KCNQ5: variants seen among roughly 807,000 people sequenced by gnomAD.
The protein encoded by KCNQ5 is potassium voltage-gated channel subfamily KQT member 5.
In KCNQ5, 30 loss-of-function variants were observed where a neutral mutation model predicts 98.2. The ratio of observed to expected loss-of-function variants is 0.31; its 90% confidence interval spans 0.23 to 0.41. The LOEUF (loss-of-function observed/expected upper bound fraction) is 0.41, where lower values mean the gene tolerates loss of function less well. Among genes scored for constraint, KCNQ5 ranks in the 10% least tolerant of loss-of-function variants. The probability of loss-of-function intolerance (pLI) is 1.00; values close to 1 mark genes in which losing one functional copy is unlikely to be tolerated. For missense variants in KCNQ5, 835 were observed against 1,182.5 expected, an observed-to-expected ratio of 0.71 and a Z score of 4.31; for synonymous variants, 458 against 449.4, an observed-to-expected ratio of 1.02 and a Z score of -0.24.
At chr6:72,861,553 C>T (rs985594542) in intron 1 of KCNQ5, among the ~76,000 whole-genome samples, 3 of 152,104 alleles carry the variant, frequency 2.0e-5, no homozygotes, top group Non-Finnish European at 4.4e-5. Context: ...TCCTCCTGAC[C>T]TTCTGCAAAA....
chr6:73,159,695 T>TA (rs1777532204), intron 10 of KCNQ5, among the ~76,000 whole-genome samples: 7 of 152,250 alleles, frequency 4.6e-5, no homozygotes, highest in African/African-American at 1.7e-4. Flanking sequence ...GGCTGAATAA[T>TA]TTTCAGTCAT....
rs1004652508 is a variant in KCNQ5, at chr6:73,089,389, T to G, written c.918+11502T>G. 7.9e-5 allele frequency among the ~76,000 whole-genome samples: 12 copies of G among 152,134 alleles called. No homozygotes were observed. In the South Asian group the frequency reaches 1.0e-3, roughly 13 times the overall value. On this transcript the variant is annotated intron_variant, in intron 5 of 13. Transcript: ENST00000370398. ...TTTTGTCTTTATGAGAAAATGACTG[T>G]TATTATTATACAGTGTCCCCCAGCG...
intron 3 of KCNQ5, among the ~76,000 whole-genome samples, chr6:73,071,366 C>T (rs567555843): frequency 6.6e-6 from 1 of 152,206 alleles, no homozygotes; most frequent in Non-Finnish European, 1.5e-5. Flanking sequence ...AATTCCTTAT[C>T]CTAAAAATAA....
chr6:72,865,442 C>T (rs1044282661), intron 1 of KCNQ5, among the ~76,000 whole-genome samples: 4 of 152,212 alleles, frequency 2.6e-5, no homozygotes, highest in Non-Finnish European at 5.9e-5. Context: ...GGATTCACTA[C>T]AGAATATCGA....
intron 1 of KCNQ5, among the ~76,000 whole-genome samples, chr6:72,723,847 T>A (rs1328634662): frequency 6.6e-6 from 1 of 152,164 alleles, no homozygotes; most frequent in Non-Finnish European, 1.5e-5. Context: ...CAACCCTTCA[T>A]GCTATTTTAG....
intron 1 of KCNQ5, among the ~76,000 whole-genome samples, chr6:72,684,545 C>A (rs1004474729): frequency 2.0e-5 from 3 of 152,176 alleles, no homozygotes; most frequent in Non-Finnish European, 4.4e-5. Context: ...GATTATTACA[C>A]ATTGTATACA....
In KCNQ5 at chr6:73,062,740, G is replaced by A. The variant is rs141915853; in HGVS notation, c.617-14582G>A. Among the ~76,000 whole-genome samples the A allele has an allele frequency of 9.8e-3, 1,493 of 152,212 alleles. 24 individuals are homozygous for A. Among genetic ancestry groups the A allele is most frequent in the African/African-American group, 0.033 (1,382 of 41,538 alleles). The stretch of plus-strand genomic sequence containing the variant: ...GAACATGATTATATTTTTTAATAAA[G>A]TGCTTAATTTGCATGCATGCTTTGA... On this transcript the variant is annotated intron_variant, in intron 3 of 13. Coordinates refer to ENST00000370398, the MANE Select transcript of KCNQ5 (RefSeq NM_019842.4).
chr6:73,145,481 T>C (rs1218891150), intron 10 of KCNQ5, among the ~76,000 whole-genome samples: 1 of 152,240 alleles, frequency 6.6e-6, no homozygotes, highest in East Asian at 1.9e-4. Flanking sequence ...TTTATTGTCT[T>C]CTTTTTCAGT....
chr6:73,112,198 C>T (rs1775267622), intron 7 of KCNQ5, among the ~76,000 whole-genome samples: 1 of 152,028 alleles, frequency 6.6e-6, no homozygotes. Context: ...AAAGTTTCTC[C>T]CCTCCTGCTA....
At chr6:73,173,606 C>T (rs1778095232) in intron 11 of KCNQ5, among the ~76,000 whole-genome samples, 1 of 152,110 alleles carries the variant, frequency 6.6e-6, no homozygotes, top group African/African-American at 2.4e-5. Context: ...CATATATATA[C>T]ATGAATCTTG....
chr6:73,023,148 A>T (rs1770683828), intron 2 of KCNQ5, among the ~76,000 whole-genome samples: 1 of 152,208 alleles, frequency 6.6e-6, no homozygotes, highest in Admixed American at 6.5e-5. Flanking sequence ...GGCAGAAAAG[A>T]TGGAGAAGAA....
intron 1 of KCNQ5, among the ~76,000 whole-genome samples, chr6:72,972,785 G>A (rs193215087): frequency 7.2e-4 from 109 of 152,182 alleles, no homozygotes; most frequent in Middle Eastern, 6.8e-3. Context: ...TAAAATAAAG[G>A]CCTAATCTCA....
chr6:72,928,252 G>C (rs1298766292), intron 1 of KCNQ5, among the ~76,000 whole-genome samples: 1 of 151,954 alleles, frequency 6.6e-6, no homozygotes, highest in African/African-American at 2.4e-5. Context: ...TTTGCTTTTA[G>C]ACAGTTATAC....
rs567632190 is a variant in KCNQ5 at position 73,193,263 on chromosome 6, G to A, written c.1836+572G>A. 2.7e-3 allele frequency among the ~76,000 whole-genome samples: 403 copies of A among 151,306 alleles called. 2 individuals carry two copies. The highest frequency in any genetic ancestry group is 8.9e-3 in the African/African-American group (367 of 41,338). On this transcript the variant is annotated intron_variant, in intron 13 of 13. Transcript: ENST00000370398. ...TCAAACTCCTGACCTCAAGTGATCC[G>A]CTTGCCTTGGCCTCCCAAAGTGCTG...
chr6:72,628,861 C>T (rs959137631), intron 1 of KCNQ5, among the ~76,000 whole-genome samples: 10 of 152,120 alleles, frequency 6.6e-5, no homozygotes, highest in African/African-American at 2.2e-4. Context: ...GGTCTGCCCA[C>T]CTCAGCCTCC....
At chr6:72,903,722 A>G (rs1044867823) in intron 1 of KCNQ5, among the ~76,000 whole-genome samples, 3 of 152,052 alleles carry the variant, frequency 2.0e-5, no homozygotes, top group African/African-American at 7.2e-5. Flanking sequence ...ATTTTCTTAA[A>G]TTTATTGAGG....
chr6:72,845,664 G>T (rs910538049), intron 1 of KCNQ5, among the ~76,000 whole-genome samples: 2 of 152,178 alleles, frequency 1.3e-5, no homozygotes, highest in East Asian at 1.9e-4. Flanking sequence ...CACTGATGCA[G>T]TTACCTTGAT....
chr6:72,763,346 CAG>C (rs1164659372), intron 1 of KCNQ5, among the ~76,000 whole-genome samples: 1 of 151,998 alleles, frequency 6.6e-6, no homozygotes, highest in Non-Finnish European at 1.5e-5. Context: ...TTAAAAGAAA[CAG>C]TGTGGGAGTT....
rs375691289 is a variant in KCNQ5, at chr6:73,146,470, T to TA, written c.1468+12834dup. On this transcript the variant is annotated intron_variant, in intron 10 of 13. Coordinates refer to ENST00000370398, the MANE Select transcript of KCNQ5 (RefSeq NM_019842.4). ...CAAAACCCCATCTCTACAAAAAATG[T>TA]AAAAATTAGCTGGGCATGGTGGCAC... Among the ~76,000 whole-genome samples, 512 of 151,612 alleles carry TA rather than the reference T, an allele frequency of 3.4e-3. 3 individuals are homozygous for TA. Among genetic ancestry groups the TA allele is most frequent in the African/African-American group, 0.012 (480 of 41,310 alleles).
Sources: allele counts gnomAD v4.1 joint callset (sites outside exome capture counted in the v4.1 genomes callset), GRCh38; gene constraint gnomAD v4.1.1; transcripts MANE v1.5; gene names NCBI Gene and HGNC (gene_info 2026-07-23, HGNC 2026-07-21).